TENM3: variants seen among roughly 807,000 people sequenced by gnomAD.
TENM3 encodes the protein teneurin transmembrane protein 3, also known as teneurin-3.
In TENM3, 63 loss-of-function variants were observed where a neutral mutation model predicts 255.1. The ratio of observed to expected loss-of-function variants is 0.25; its 90% CI spans 0.20 to 0.30. TENM3 has a LOEUF of 0.30. Among genes scored for constraint, TENM3 ranks in the 10% least tolerant of loss-of-function variants. The probability of loss-of-function intolerance (pLI) is 1.00; values close to 1 mark genes in which losing one functional copy is unlikely to be tolerated. For synonymous variants in TENM3, 1,306 were observed against 1,322.3 expected, an observed-to-expected ratio of 0.99 and a Z score of 0.27; for missense variants, 2,929 against 3,461.1, an observed-to-expected ratio of 0.85 and a Z score of 3.86.
the TENM3 span, among the ~76,000 whole-genome samples, chr4:181,549,048 C>T: frequency 6.6e-6 from 1 of 152,172 alleles, no homozygotes; most frequent in Non-Finnish European, 1.5e-5. Flanking sequence ...TCTTCACAAA[C>T]ATCCATGCTT....
chr4:181,870,081 T>C, the TENM3 span, among the ~76,000 whole-genome samples: 1 of 152,170 alleles, frequency 6.6e-6, no homozygotes, highest in Non-Finnish European at 1.5e-5. Context: ...TCATGCAACG[T>C]GTGCATTTCT....
chr4:182,726,409 G>A (rs952359949), intron 13 of TENM3, among the ~76,000 whole-genome samples: 2 of 50,816 alleles, frequency 3.9e-5, no homozygotes, highest in Non-Finnish European at 8.5e-5. Context: ...TTTTGCTCCA[G>A]CCCTTGCTCC....
At chr4:182,231,972 CTGTGATATGCAT>C (rs1756612666) in intron 1 of TENM3, among the ~76,000 whole-genome samples, 1 of 152,284 alleles carries the variant, frequency 6.6e-6, no homozygotes, top group Middle Eastern at 3.4e-3. Context: ...TTGTATGTGC[CTGTGATATGCAT>C]TGAAAATCAT....
At chr4:182,700,776 C>A (rs577389871) in intron 12 of TENM3, among the ~76,000 whole-genome samples, 1 of 152,136 alleles carries the variant, frequency 6.6e-6, no homozygotes, top group Non-Finnish European at 1.5e-5. Context: ...TCTACTACAT[C>A]TAAATGTGAT....
At chr4:182,281,288 G>A (rs1760369920) in intron 1 of TENM3, among the ~76,000 whole-genome samples, 1 of 152,162 alleles carries the variant, frequency 6.6e-6, no homozygotes, top group African/African-American at 2.4e-5. Flanking sequence ...ATTTGTCTAT[G>A]TAATTGTCAC....
At chr4:181,925,792 G>A in the TENM3 span, among the ~76,000 whole-genome samples, 1 of 152,160 alleles carries the variant, frequency 6.6e-6, no homozygotes, top group Non-Finnish European at 1.5e-5. Context: ...AGAGGGACTG[G>A]TGTAGACATC....
At chr4:182,433,844 G>C (rs1288285627) in intron 3 of TENM3, among the ~76,000 whole-genome samples, 1 of 152,172 alleles carries the variant, frequency 6.6e-6, no homozygotes, top group Non-Finnish European at 1.5e-5. Flanking sequence ...TGGGTGGCGT[G>C]ATGGCTCATG....
At chr4:181,771,992 AT>A in the TENM3 span, among the ~76,000 whole-genome samples, 6 of 152,114 alleles carry the variant, frequency 3.9e-5, no homozygotes, top group Admixed American at 2.0e-4. Flanking sequence ...AGGTGCTGAG[AT>A]TTTTTTTAAA....
intron 2 of TENM3, among the ~76,000 whole-genome samples, chr4:182,343,026 G>A (rs1331853020): frequency 6.6e-6 from 1 of 152,082 alleles, no homozygotes; most frequent in Non-Finnish European, 1.5e-5. Context: ...TGAAATATTT[G>A]TCCTTACACC....
intron 3 of TENM3, among the ~76,000 whole-genome samples, chr4:182,426,244 T>C (rs947572833): frequency 3.3e-5 from 5 of 152,122 alleles, no homozygotes; most frequent in Middle Eastern, 3.2e-3. Flanking sequence ...AGAAAGTAAT[T>C]GGTTGCGTGG....
the TENM3 span, among the ~76,000 whole-genome samples, chr4:181,638,579 T>C: frequency 2.0e-5 from 3 of 152,226 alleles, no homozygotes; most frequent in African/African-American, 7.2e-5. Context: ...ACCTTTTCAC[T>C]GCTTTAGAAC....
the TENM3 span, among the ~76,000 whole-genome samples, chr4:181,653,232 C>T: frequency 9.2e-5 from 14 of 152,122 alleles, no homozygotes; most frequent in African/African-American, 3.1e-4. Flanking sequence ...CTGAAGAGCT[C>T]CTTACAACAC....
chr4:182,740,489 C>A (rs1407638768), intron 18 of TENM3, among the ~76,000 whole-genome samples: 3 of 152,178 alleles, frequency 2.0e-5, no homozygotes, highest in Non-Finnish European at 4.4e-5. Context: ...ACAGTTTGAA[C>A]ATATTTCTGT....
intron 22 of TENM3, among the ~76,000 whole-genome samples, chr4:182,756,800 A>G (rs1762773390): frequency 6.6e-6 from 1 of 152,210 alleles, no homozygotes; most frequent in Admixed American, 6.5e-5. Context: ...CAGAGGAACA[A>G]ACCTTTTCAA....
At chr4:182,413,625 A>C (rs1054766424) in intron 3 of TENM3, among the ~76,000 whole-genome samples, 2 of 152,058 alleles carry the variant, frequency 1.3e-5, no homozygotes, top group African/African-American at 2.4e-5. Flanking sequence ...CAAAAAAAAA[A>C]ACCACATTAT....
At chr4:182,430,398 A>G (rs1004286697) in intron 3 of TENM3, among the ~76,000 whole-genome samples, 1 of 152,080 alleles carries the variant, frequency 6.6e-6, no homozygotes, top group Non-Finnish European at 1.5e-5. Flanking sequence ...AATACACAAA[A>G]TTAGCTGGGC....
At chr4:182,241,708 C>T (rs1757273717), upstream of TENM3, among the ~76,000 whole-genome samples, 1 of 143,166 alleles carries the variant, frequency 7.0e-6, no homozygotes, top group South Asian at 2.2e-4. Context: ...CGGGTTTTCC[C>T]ATGTTGGTCA....
chr4:182,480,385 C>G (rs1338831183), intron 3 of TENM3, among the ~76,000 whole-genome samples: 1 of 151,934 alleles, frequency 6.6e-6, no homozygotes, highest in African/African-American at 2.4e-5. Flanking sequence ...CTCTTGGTAT[C>G]GTTAATTGTT....
At chr4:181,801,690 A>ATATATAT in the TENM3 span, among the ~76,000 whole-genome samples, 1 of 115,998 alleles carries the variant, frequency 8.6e-6, no homozygotes, top group African/African-American at 3.2e-5. Flanking sequence ...ATATATATAT[A>ATATATAT]TATATATGCA....
Sources: gnomAD v4.1 joint callset for allele counts (sites outside exome capture counted in the v4.1 genomes callset) on GRCh38, gnomAD v4.1.1 for gene constraint, MANE v1.5 for transcripts, NCBI Gene and HGNC (gene_info 2026-07-23, HGNC 2026-07-21) for gene names.